The following RIMKLA variants were observed in gnomAD, a reference collection of about 807,000 sequenced individuals.
RIMKLA encodes the protein ribosomal modification protein rimK like family member A, also known as N-acetylaspartylglutamate synthase A.
A neutral mutation model predicts 32.7 loss-of-function variants in RIMKLA; 14 were observed. That is an observed-to-expected ratio of 0.43 (90% CI 0.28 to 0.67). The LOEUF is 0.67. Ranked by LOEUF, RIMKLA falls within the 30% of genes least tolerant of loss-of-function variation. The probability of loss-of-function intolerance (pLI) is 0.18; values close to 1 mark genes in which losing one functional copy is unlikely to be tolerated. For missense variants in RIMKLA, 410 were observed against 519.0 expected, an observed-to-expected ratio of 0.79 and a Z score of 2.04; for synonymous variants, 176 against 204.1, an observed-to-expected ratio of 0.86 and a Z score of 1.18.
rs1643257272 is a variant in RIMKLA at position 42,417,344 on chromosome 1, A to G, written c.*2370A>G. The G allele has an allele frequency of 6.6e-6, 1 of 152,224 alleles. No individual in the cohort carries two copies. Among genetic ancestry groups the G allele is most frequent in the South Asian group, 2.1e-4 (1 of 4,832 alleles). The allele number at this position is 152,224 out of a possible 1,614,324, so 9.4% of individuals were successfully genotyped here. A position where few individuals can be genotyped will look rare whatever the true frequency, so the allele number is the denominator to read the frequency against. ...CACAGCTGGACCACAACCAGCCCCA[A>G]TCCAGGATTTCCCATACCATGCTGG... On this transcript the variant is annotated 3_prime_UTR_variant, in exon 5 of 5. Coordinates refer to ENST00000431473, the MANE Select transcript of RIMKLA (RefSeq NM_173642.4).
intron 1 of RIMKLA, among the ~76,000 whole-genome samples, chr1:42,388,121 T>A (rs1642965835): frequency 6.6e-6 from 1 of 150,750 alleles, no homozygotes; most frequent in African/African-American, 2.4e-5. Flanking sequence ...GAGAGGGGAG[T>A]GGGGGAAGAA....
chr1:42,405,381 C>T (rs1013543560), intron 3 of RIMKLA, among the ~76,000 whole-genome samples: 1 of 152,230 alleles, frequency 6.6e-6, no homozygotes, highest in Non-Finnish European at 1.5e-5. Flanking sequence ...AGATCCTGAG[C>T]ATCTGTCTCT....
intron 1 of RIMKLA, 26 bp downstream of exon 1, chr1:42,381,123 C>A: frequency 1.6e-6 from 2 of 1,243,154 alleles, no homozygotes; most frequent in East Asian, 3.2e-5. Context: ...CCGGGGAGGG[C>A]AGGGAGGCGC....
chr1:42,384,483 G>A (rs1400976262), intron 1 of RIMKLA, among the ~76,000 whole-genome samples: 1 of 147,806 alleles, frequency 6.8e-6, no homozygotes, highest in Non-Finnish European at 1.5e-5. Context: ...ATATGTGTGT[G>A]TGTGTATATA....
chr1:42,396,236 C>CAAAAAAAAA (rs11363612), intron 1 of RIMKLA, among the ~76,000 whole-genome samples: 14 of 60,904 alleles, frequency 2.3e-4, no homozygotes, highest in African/African-American at 2.9e-4. Context: ...AACTCCATCT[C>CAAAAAAAAA]AAAAAAAAAA....
chr1:42,381,880 G>C (rs1642892299), intron 1 of RIMKLA, among the ~76,000 whole-genome samples: 1 of 152,180 alleles, frequency 6.6e-6, no homozygotes, highest in African/African-American at 2.4e-5. Context: ...CCCTGACGCA[G>C]AAAACCCTCT....
intron 1 of RIMKLA, chr1:42,396,349 C>T (rs1177009505): frequency 6.6e-6 from 1 of 152,192 alleles, no homozygotes; most frequent in South Asian, 2.1e-4. Flanking sequence ...CTGCACAGGC[C>T]TGGATAGCCA....
At chr1:42,391,883 C>G (rs1643002737) in intron 1 of RIMKLA, among the ~76,000 whole-genome samples, 2 of 151,960 alleles carry the variant, frequency 1.3e-5, no homozygotes, top group African/African-American at 4.8e-5. Context: ...GGAGACAGAC[C>G]CAAAGCGATT....
intron 1 of RIMKLA, among the ~76,000 whole-genome samples, chr1:42,382,882 A>G (rs965901515): frequency 6.6e-6 from 1 of 151,856 alleles, no homozygotes; most frequent in Non-Finnish European, 1.5e-5. Flanking sequence ...TTTGAGACAG[A>G]GTTTTGGGTC....
At chr1:42,393,351 T>C (rs1482092268) in intron 1 of RIMKLA, among the ~76,000 whole-genome samples, 1 of 152,238 alleles carries the variant, frequency 6.6e-6, no homozygotes, top group Non-Finnish European at 1.5e-5. Context: ...ATTTAAGTTG[T>C]GTATCTTTCT....
At chr1:42,410,273 T>C in intron 4 of RIMKLA, 86 bp downstream of exon 4, 1 of 1,070,938 alleles carries the variant, frequency 9.3e-7, no homozygotes, top group South Asian at 1.4e-5. Flanking sequence ...TGTCAGACCC[T>C]CTGCTAGACA....
intron 4 of RIMKLA, among the ~76,000 whole-genome samples, chr1:42,411,872 G>A (rs1443009032): frequency 2.0e-5 from 3 of 151,830 alleles, no homozygotes; most frequent in East Asian, 1.9e-4. Flanking sequence ...GGGTTTCACC[G>A]TGTTAGCCGG....
At chr1:42,403,425 C>T (rs1434540717) in intron 2 of RIMKLA, among the ~76,000 whole-genome samples, 1 of 152,092 alleles carries the variant, frequency 6.6e-6, no homozygotes, top group African/African-American at 2.4e-5. Context: ...TGGGGCATTA[C>T]GGTGCAGTCA....
intron 1 of RIMKLA, among the ~76,000 whole-genome samples, chr1:42,389,625 A>G (rs1005194582): frequency 6.6e-6 from 1 of 152,120 alleles, no homozygotes; most frequent in Admixed American, 6.6e-5. Context: ...CGGCCTGGCC[A>G]ACATGGTGAA....
chr1:42,410,044 G>A lies in RIMKLA; in HGVS notation c.542G>A (p.Arg181His), dbSNP rs377484455. ...CTCTCTGACATCTGCCATCTGATCC[G>A]CCACGATGTGCCCTACCTGTTCCAG... ...HHLSDICHLIRHDVPYLFQKY... is the reference protein window; with the variant it reads ...HHLSDICHLIHHDVPYLFQKY... Residue 181 changes from arginine to histidine, a missense_variant, in exon 4 of 5, where the codon CGC (arginine) becomes CAC (histidine). Arg to His is a conservative substitution (Grantham distance 29, BLOSUM62 0). Coordinates refer to ENST00000431473, the MANE Select transcript of RIMKLA (RefSeq NM_173642.4). The A allele has an allele frequency of 1.3e-4, 204 of 1,614,086 alleles. No homozygotes were observed. Among genetic ancestry groups the A allele is most frequent in the Non-Finnish European group, 1.5e-4 (180 of 1,179,988 alleles).
At chr1:42,409,468 G>A (rs1395451774) in intron 3 of RIMKLA, among the ~76,000 whole-genome samples, 2 of 152,190 alleles carry the variant, frequency 1.3e-5, no homozygotes, top group African/African-American at 4.8e-5. Context: ...ATATCACTCT[G>A]TGCTACCTTT....
At chr1:42,410,558 G>T (rs1000209217) in intron 4 of RIMKLA, among the ~76,000 whole-genome samples, 2 of 151,738 alleles carry the variant, frequency 1.3e-5, no homozygotes, top group African/African-American at 4.8e-5. Flanking sequence ...AACAGCTCAG[G>T]CAAAAAAAAT....
rs1643313925 is a variant in RIMKLA, at chr1:42,423,685, C to T, written c.*8711C>T. Among the ~76,000 whole-genome samples, 1 of 152,188 alleles carries T rather than the reference C, an allele frequency of 6.6e-6. No individual in the cohort carries two copies. Among genetic ancestry groups the T allele is most frequent in the South Asian group, 2.1e-4 (1 of 4,836 alleles). On this transcript the variant is annotated 3_prime_UTR_variant, in exon 5 of 5. Transcript: ENST00000431473. ...CTCAAAGAATAAGCCTGTGACACTTCCCCTTCTACTTCCCAGAGTTACATG... is the reference window on the plus strand; with the variant it reads ...CTCAAAGAATAAGCCTGTGACACTTTCCCTTCTACTTCCCAGAGTTACATG...
rs1168833682 is a variant in RIMKLA, at chr1:42,423,808, T to C, written c.*8834T>C. On this transcript the variant is annotated 3_prime_UTR_variant, in exon 5 of 5. Transcript: ENST00000431473. The stretch of plus-strand genomic sequence containing the variant: ...TTCCTGCAGCTGCTGCTTTCACTAA[T>C]GGCACTTCTTAAATCTGGTGAGAGG... 6.6e-6 allele frequency among the ~76,000 whole-genome samples: 1 copy of C among 152,218 alleles called. No individual in the cohort carries two copies. Among genetic ancestry groups the C allele is most frequent in the Non-Finnish European group, 1.5e-5 (1 of 68,040 alleles).
Sources: gnomAD v4.1 joint callset for allele counts (sites outside exome capture counted in the v4.1 genomes callset) on GRCh38, gnomAD v4.1.1 for gene constraint, MANE v1.5 for transcripts, NCBI Gene and HGNC (gene_info 2026-07-23, HGNC 2026-07-21) for gene names.